NDC1: variants seen among roughly 807,000 people sequenced by gnomAD.
NDC1 encodes the protein NDC1 transmembrane nucleoporin.
NDC1 carries 24 observed loss-of-function variants against 89.8 expected under a neutral mutation model. The ratio of observed to expected loss-of-function variants is 0.27; its 90% CI spans 0.19 to 0.38. The LOEUF (loss-of-function observed/expected upper bound fraction) is 0.38, where lower values mean the gene tolerates loss of function less well. Ranked by LOEUF, NDC1 falls within the 10% of genes least tolerant of loss-of-function variation. The pLI, the probability that NDC1 is intolerant of heterozygous loss-of-function variation, is 1.00. For missense variants in NDC1, 728 were observed against 797.6 expected, an observed-to-expected ratio of 0.91 and a Z score of 1.05; for synonymous variants, 296 against 284.8, an observed-to-expected ratio of 1.04 and a Z score of -0.39.
intron 2 of NDC1, among the ~76,000 whole-genome samples, chr1:53,834,454 C>T (rs74084428): frequency 0.011 from 1,689 of 152,280 alleles, 37 homozygotes; most frequent in African/African-American, 0.039. Context: ...AAACTTAACA[C>T]CAATATCTCC....
At chr1:53,814,106 C>T (rs1355270484) in intron 6 of NDC1, among the ~76,000 whole-genome samples, 3 of 152,172 alleles carry the variant, frequency 2.0e-5, no homozygotes, top group Non-Finnish European at 4.4e-5. Flanking sequence ...GTAATCCCAG[C>T]ACTTTGGGAG....
At chr1:53,825,387 G>A (rs1019746972) in intron 5 of NDC1, among the ~76,000 whole-genome samples, 3 of 149,370 alleles carry the variant, frequency 2.0e-5, no homozygotes, top group African/African-American at 5.0e-5. Context: ...CCCAGGAGGC[G>A]GAGGTTGCAG....
chr1:53,806,382 G>T, intron 9 of NDC1, 43 bp downstream of exon 9: 2 of 1,298,078 alleles, frequency 1.5e-6, no homozygotes, highest in Non-Finnish European at 2.1e-6. Context: ...ATTGAATAAA[G>T]TTAGAGAAAA....
At chr1:53,835,699 G>A (rs1649208043) in intron 1 of NDC1, 79 bp from the exon 2 acceptor site, 11 of 1,271,800 alleles carry the variant, frequency 8.6e-6, no homozygotes, top group Non-Finnish European at 1.2e-5. Flanking sequence ...TTTTCATACA[G>A]GATGTTAACC....
At chr1:53,811,431 G>T (rs1417945051) in intron 6 of NDC1, among the ~76,000 whole-genome samples, 1 of 152,150 alleles carries the variant, frequency 6.6e-6, no homozygotes, top group Non-Finnish European at 1.5e-5. Context: ...GCTGTTGCAG[G>T]GCGGTGGGAG....
chr1:53,782,199 G>C (rs1209311721), intron 16 of NDC1, among the ~76,000 whole-genome samples: 1 of 152,156 alleles, frequency 6.6e-6, no homozygotes, highest in Admixed American at 6.6e-5. Flanking sequence ...GGCAGAGACT[G>C]AATAGTCTAT....
At position 53,787,185 on chromosome 1, in the gene NDC1, G is replaced by C; in HGVS notation, c.1773C>G (p.Ile591Met). ...FGVVQTTLPA[I>M]LNTLLTLQEA... ...CTTGCAGTGTCAACAAAGTATTAAG[G>C]ATAGCTGGTAGTGTCGTCTGGACAA... is the stretch of plus-strand genomic sequence containing the variant. The change falls in exon 16 of 18, where the codon ATC (isoleucine) becomes ATG (methionine). Residue 591 changes from isoleucine (I) to methionine (M), a missense_variant. Transcript: ENST00000371429. 1 of 1,609,566 alleles carries C rather than the reference G, an allele frequency of 6.2e-7. No individual in the cohort carries two copies. Among genetic ancestry groups the C allele is most frequent in the Non-Finnish European group, 8.5e-7 (1 of 1,177,614 alleles).
intron 1 of NDC1, 85 bp from the exon 2 acceptor site, chr1:53,835,705 T>A: frequency 8.7e-7 from 1 of 1,149,344 alleles, no homozygotes; most frequent in Non-Finnish European, 1.3e-6. Context: ...TACAGGATGT[T>A]AACCACTAAC....
At chr1:53,819,819 T>C (rs966594769) in intron 5 of NDC1, among the ~76,000 whole-genome samples, 3 of 152,174 alleles carry the variant, frequency 2.0e-5, no homozygotes, top group Non-Finnish European at 4.4e-5. Context: ...AATAGTTCCT[T>C]AGTGGGAACC....
chr1:53,803,141 C>G (rs564403749), intron 10 of NDC1, among the ~76,000 whole-genome samples: 3 of 152,254 alleles, frequency 2.0e-5, no homozygotes, highest in Non-Finnish European at 4.4e-5. Context: ...TCTTGGCTTA[C>G]TGCAGTATCA....
chr1:53,779,360 CT>C (rs564142530), intron 16 of NDC1, among the ~76,000 whole-genome samples: 79 of 146,240 alleles, frequency 5.4e-4, no homozygotes, highest in Admixed American at 8.3e-4. Context: ...CTATAACATA[CT>C]TTTTTTTTTT....
At chr1:53,787,353 T>C in intron 15 of NDC1, 95 bp from the exon 16 acceptor site, 2 of 722,330 alleles carry the variant, frequency 2.8e-6, no homozygotes, top group Non-Finnish European at 4.6e-6. Context: ...ATTCTGAATA[T>C]AAAAAGAAAT....
chr1:53,806,305 TAC>T (rs1220055770), intron 9 of NDC1, 118 bp downstream of exon 9: 11 of 584,648 alleles, frequency 1.9e-5, no homozygotes, highest in African/African-American at 3.9e-5. Context: ...ATTTTTATCA[TAC>T]CAGTACAAGA....
intron 3 of NDC1, among the ~76,000 whole-genome samples, chr1:53,831,325 G>C (rs533238240): frequency 6.6e-6 from 1 of 152,122 alleles, no homozygotes; most frequent in East Asian, 1.9e-4. Context: ...CTAATTTAAG[G>C]TTTAGACATG....
intron 17 of NDC1, among the ~76,000 whole-genome samples, chr1:53,772,072 T>C (rs192382398): frequency 4.6e-5 from 7 of 152,162 alleles, no homozygotes; most frequent in Non-Finnish European, 7.4e-5. Context: ...AATTTAAATA[T>C]ATATATATAA....
chr1:53,832,471 T>C lies in NDC1; in HGVS notation c.280+19A>G. The C allele has an allele frequency of 8.0e-7, 1 of 1,244,564 alleles. No homozygotes were observed. The highest frequency in any genetic ancestry group is 1.2e-6 in the Non-Finnish European group (1 of 850,706). The allele number at this position is 1,244,564 out of a possible 1,614,324, so 77.1% of individuals were successfully genotyped here. A position where few individuals can be genotyped will look rare whatever the true frequency, so the allele number is the denominator to read the frequency against. ...ATAAATTCGCATATTTCTAAGAAGG[T>C]TAACATTTGAAAACTCACCTGCATA... On this transcript the variant is annotated intron_variant, in intron 3 of 17. Transcript: ENST00000371429.
chr1:53,789,050 A>G (rs559567972), intron 15 of NDC1, 83 bp downstream of exon 15: 7 of 885,564 alleles, frequency 7.9e-6, no homozygotes, highest in Non-Finnish European at 1.3e-5. Context: ...GAAATCAAGG[A>G]CCAGAACTGA....
intron 5 of NDC1, among the ~76,000 whole-genome samples, chr1:53,823,879 G>GT (rs1404484831): frequency 6.6e-6 from 1 of 152,110 alleles, no homozygotes; most frequent in Admixed American, 6.5e-5. Flanking sequence ...TGCTGTGTGT[G>GT]TATTTTCATT....
At chr1:53,771,282 A>G (rs1461661358) in intron 17 of NDC1, 1 of 152,188 alleles carries the variant, frequency 6.6e-6, no homozygotes, top group Admixed American at 6.5e-5. Flanking sequence ...TGTAGATAGA[A>G]AGATGAAAGA....
Sources: gnomAD v4.1 joint callset for allele counts (sites outside exome capture counted in the v4.1 genomes callset) on GRCh38, gnomAD v4.1.1 for gene constraint, MANE v1.5 for transcripts, NCBI Gene and HGNC (gene_info 2026-07-23, HGNC 2026-07-21) for gene names.